INPP5A: variants seen among roughly 807,000 people sequenced by gnomAD.
The protein encoded by INPP5A is inositol polyphosphate-5-phosphatase A.
INPP5A carries 14 observed loss-of-function variants against 65.2 expected under a neutral mutation model. That is an observed-to-expected ratio of 0.21 (90% confidence interval 0.14 to 0.34). The LOEUF (loss-of-function observed/expected upper bound fraction) is 0.34, where lower values mean the gene tolerates loss of function less well. Ranked by LOEUF, INPP5A falls within the 10% of genes least tolerant of loss-of-function variation. The probability of loss-of-function intolerance (pLI) is 1.00; values close to 1 mark genes in which losing one functional copy is unlikely to be tolerated. For synonymous variants in INPP5A, 207 were observed against 208.3 expected (o/e 0.99, Z 0.05); for missense variants, 431 against 545.6 (o/e 0.79, Z 2.09).
intron 13 of INPP5A, 89 bp from the exon 14 acceptor site, chr10:132,780,760 C>G: frequency 9.3e-7 from 1 of 1,075,046 alleles, no homozygotes; most frequent in Non-Finnish European, 1.4e-6. Flanking sequence ...TCTGCCCCCA[C>G]AAAACCCTGA....
rs145826461 is a variant in INPP5A at position 132,753,558 on chromosome 10, C to G, written c.903+3713C>G. Reference sequence around the variant, plus strand: ...AGCTTTGTTTAGTCGATATTCCCATCGAAATTGTATAATTAATTATAAGTG... The same window carrying G: ...AGCTTTGTTTAGTCGATATTCCCATGGAAATTGTATAATTAATTATAAGTG... On this transcript the variant is annotated intron_variant, in intron 11 of 15. Transcript: ENST00000368594. The surrounding 1 kb of genome is among the most constrained non-coding windows in gnomAD (Gnocchi z 5.3). Among the ~76,000 whole-genome samples, 1 of 152,144 alleles carries G rather than the reference C, an allele frequency of 6.6e-6. No homozygotes were observed. The highest frequency in any genetic ancestry group is 1.5e-5 in the Non-Finnish European group (1 of 68,042).
intron 8 of INPP5A, among the ~76,000 whole-genome samples, chr10:132,718,147 T>G (rs1171867129): frequency 2.7e-5 from 4 of 147,898 alleles, no homozygotes; most frequent in Non-Finnish European, 4.4e-5. Flanking sequence ...CTTAGACAGC[T>G]GTCTTCAGGG....
chr10:132,764,696 C>T (rs1456559223), intron 11 of INPP5A, among the ~76,000 whole-genome samples: 1 of 129,154 alleles, frequency 7.7e-6, no homozygotes, highest in African/African-American at 3.0e-5. Flanking sequence ...CGGGTCAGTC[C>T]TGCTGTGGTG....
intron 6 of INPP5A, among the ~76,000 whole-genome samples, chr10:132,702,742 C>G (rs1845456741): frequency 2.0e-5 from 3 of 152,240 alleles, no homozygotes; most frequent in Admixed American, 1.3e-4. Context: ...TGCCACGGAG[C>G]ACCTCTGCTC....
intron 1 of INPP5A, among the ~76,000 whole-genome samples, chr10:132,583,409 G>A (rs954295050): frequency 3.3e-5 from 5 of 152,096 alleles, no homozygotes; most frequent in South Asian, 2.1e-4. Context: ...TTCCTGCCTC[G>A]TTGGGCTGGT....
intron 11 of INPP5A, among the ~76,000 whole-genome samples, chr10:132,752,024 G>A (rs1846492301): frequency 6.7e-6 from 1 of 149,648 alleles, no homozygotes; most frequent in Non-Finnish European, 1.5e-5. Context: ...GTAGAGGCAG[G>A]TGCCCAGGAA....
intron 7 of INPP5A, 182 bp downstream of exon 7, chr10:132,708,547 T>TGTCACTGTTCCCTGTAAGTC (rs1845579248): frequency 2.7e-6 from 2 of 753,262 alleles, no homozygotes; most frequent in Non-Finnish European, 4.9e-6. Context: ...TTCGGAGCAT[T>TGTCACTGTTCCCTGTAAGTC]GTCACTGTTC....
intron 2 of INPP5A, among the ~76,000 whole-genome samples, chr10:132,635,033 G>A (rs1300739582): frequency 1.3e-5 from 2 of 152,268 alleles, no homozygotes; most frequent in African/African-American, 4.8e-5. Context: ...TTCCTGATGA[G>A]AGTTCCAGTC....
intron 1 of INPP5A, among the ~76,000 whole-genome samples, chr10:132,588,600 C>T (rs949765208): frequency 1.3e-5 from 2 of 152,358 alleles, no homozygotes; most frequent in African/African-American, 4.8e-5. Flanking sequence ...GGTTCCCACC[C>T]CCCAGCACAG....
chr10:132,569,954 CA>C (rs2071319506), intron 1 of INPP5A, among the ~76,000 whole-genome samples: 1 of 143,532 alleles, frequency 7.0e-6, no homozygotes, highest in Non-Finnish European at 1.5e-5. Context: ...ACTGGGCCCC[CA>C]CTGTTTTTTT....
At chr10:132,703,343 C>T (rs565021419) in intron 6 of INPP5A, among the ~76,000 whole-genome samples, 30 of 152,220 alleles carry the variant, frequency 2.0e-4, no homozygotes, top group Non-Finnish European at 3.7e-4. Flanking sequence ...GTTTCTCACC[C>T]GCCAGCCGCA....
At chr10:132,737,499 G>A (rs1243227069) in intron 9 of INPP5A, among the ~76,000 whole-genome samples, 3 of 152,242 alleles carry the variant, frequency 2.0e-5, no homozygotes, top group Non-Finnish European at 4.4e-5. Context: ...TCTTACCTGG[G>A]GACCCAGTGT....
chr10:132,642,227 G>A (rs1199715271), intron 2 of INPP5A, among the ~76,000 whole-genome samples: 1 of 152,212 alleles, frequency 6.6e-6, no homozygotes, highest in Non-Finnish European at 1.5e-5. Flanking sequence ...CGTGGGAGTG[G>A]GTGGAGGCGT....
intron 11 of INPP5A, among the ~76,000 whole-genome samples, chr10:132,760,199 C>T (rs528354919): frequency 1.3e-5 from 2 of 152,392 alleles, no homozygotes; most frequent in Admixed American, 1.3e-4. Flanking sequence ...GCCCCAGCAG[C>T]CCCAGGCCCT....
chr10:132,620,825 A>G (rs2072098939), intron 2 of INPP5A, among the ~76,000 whole-genome samples: 1 of 152,242 alleles, frequency 6.6e-6, no homozygotes, highest in African/African-American at 2.4e-5. Context: ...AGCCTTTAGA[A>G]GAAGACTGAG....
intron 1 of INPP5A, among the ~76,000 whole-genome samples, chr10:132,572,489 CCG>C (rs1320847366): frequency 6.6e-6 from 1 of 151,970 alleles, no homozygotes; most frequent in African/African-American, 2.4e-5. Context: ...CTGAGCACGC[CCG>C]CCCGGGGCTG....
chr10:132,733,760 C>T (rs1346075739), intron 9 of INPP5A, among the ~76,000 whole-genome samples: 4 of 152,112 alleles, frequency 2.6e-5, no homozygotes, highest in Non-Finnish European at 5.9e-5. Flanking sequence ...TGGCCTCCCT[C>T]CGTGTGTGAA....
intron 11 of INPP5A, among the ~76,000 whole-genome samples, chr10:132,756,462 A>G (rs1410222687): frequency 1.3e-5 from 2 of 150,880 alleles, no homozygotes; most frequent in Non-Finnish European, 3.0e-5. Flanking sequence ...TCAGTCAACA[A>G]CAGACTACAT....
Position 132,637,866 on chromosome 10 carries a change from C to T in INPP5A, c.118-8002C>T, listed in dbSNP as rs559405475. On this transcript the variant is annotated intron_variant, in intron 2 of 15. Coordinates refer to ENST00000368594, the MANE Select transcript of INPP5A (RefSeq NM_005539.5). This position sits in a 1 kb window ranked among gnomAD's most constrained non-coding sequence, Gnocchi z 4.1. ...TGCCTCACGGTCGTTTTCCTCAGGT[C>T]GGGCACGTTTTCCTCAGTTTGTGTG... is the stretch of plus-strand genomic sequence containing the variant. 6.6e-4 allele frequency among the ~76,000 whole-genome samples: 101 copies of T among 152,218 alleles called. No homozygotes were observed. Among genetic ancestry groups the T allele is most frequent in the South Asian group, 4.1e-4 (2 of 4,828 alleles).
Sources: gnomAD v4.1 joint callset for allele counts (sites outside exome capture counted in the v4.1 genomes callset) on GRCh38, gnomAD v4.1.1 for gene constraint, Gnocchi (gnomAD v3.1) non-coding constraint, MANE v1.5 for transcripts, NCBI Gene and HGNC (gene_info 2026-07-23, HGNC 2026-07-21) for gene names.